The following COPB2 variants were observed in gnomAD, a reference collection of about 807,000 sequenced individuals.
The protein encoded by COPB2 is coatomer subunit beta'.
A neutral mutation model predicts 120.8 loss-of-function variants in COPB2; 16 were observed. That is an observed-to-expected ratio of 0.13 (90% CI 0.09 to 0.20). The LOEUF (loss-of-function observed/expected upper bound fraction) is 0.20, where lower values mean the gene tolerates loss of function less well. Ranked by LOEUF, COPB2 falls within the 10% of genes least tolerant of loss-of-function variation. The probability of loss-of-function intolerance (pLI) is 1.00; values close to 1 mark genes in which losing one functional copy is unlikely to be tolerated. For synonymous variants in COPB2, 332 were observed against 366.3 expected, an observed-to-expected ratio of 0.91 and a Z score of 1.07; for missense variants, 794 against 1,076.5, an observed-to-expected ratio of 0.74 and a Z score of 3.67.
chr3:139,379,659 A>G (rs1941772497), intron 2 of COPB2, 193 bp from the exon 3 acceptor site: 2 of 537,096 alleles, frequency 3.7e-6, no homozygotes, highest in South Asian at 5.2e-5. Context: ...AAATTAAAAC[A>G]CTTTTTAAAA....
At chr3:139,362,147 T>C (rs1051236560) in intron 16 of COPB2, among the ~76,000 whole-genome samples, 4 of 152,234 alleles carry the variant, frequency 2.6e-5, no homozygotes, top group African/African-American at 9.6e-5. Context: ...TCTTGCAAAA[T>C]AGAGCTCACA....
Position 139,389,536 on chromosome 3 carries a change from A to G in COPB2, c.3+12T>C, listed in dbSNP as rs558818567. 1.3e-5 allele frequency: 20 copies of G among 1,572,634 alleles called. No homozygotes were observed. Among genetic ancestry groups the G allele is most frequent in the Admixed American group, 7.0e-5 (4 of 57,262 alleles). On this transcript the variant is annotated intron_variant, in intron 1 of 21. Coordinates refer to ENST00000333188, the MANE Select transcript of COPB2 (RefSeq NM_004766.3). ...ATGGGACCCCGCTCCCTTCTACGGGATCTGGACCTACCATGGCTGCGTCGG... is the reference window on the plus strand; with the variant it reads ...ATGGGACCCCGCTCCCTTCTACGGGGTCTGGACCTACCATGGCTGCGTCGG...
chr3:139,362,571 G>A, intron 15 of COPB2, 54 bp from the exon 16 acceptor site: 4 of 1,033,712 alleles, frequency 3.9e-6, no homozygotes, highest in Non-Finnish European at 5.5e-6. Flanking sequence ...ATGTATGTAT[G>A]TTTTATATAT....
chr3:139,389,437 C>G (rs2107814365), intron 1 of COPB2, 111 bp downstream of exon 1: 3 of 1,362,766 alleles, frequency 2.2e-6, no homozygotes, highest in Non-Finnish European at 2.9e-6. Context: ...CCTGAGGCGG[C>G]GGCCGCAGCG....
Position 139,389,597 on chromosome 3 carries a change from T to A in COPB2, c.-47A>T, listed in dbSNP as rs745740698. 6.4e-7 allele frequency: 1 copy of A among 1,554,714 alleles called. No individual in the cohort carries two copies. On this transcript the variant is annotated 5_prime_UTR_variant, in exon 1 of 22. Coordinates refer to ENST00000333188, the MANE Select transcript of COPB2 (RefSeq NM_004766.3). ...GGAACCCTCGTTTGTTACCGGCTAC[T>A]CAGGCCTTGAGATAAACCCACCGAT...
chr3:139,383,877 A>C (rs1428651994), intron 1 of COPB2, among the ~76,000 whole-genome samples: 1 of 152,232 alleles, frequency 6.6e-6, no homozygotes, highest in East Asian at 1.9e-4. Flanking sequence ...TTTTCAAAAA[A>C]TTTAGTGAAA....
chr3:139,370,246 C>T (rs1173302763), intron 10 of COPB2, among the ~76,000 whole-genome samples: 1 of 152,164 alleles, frequency 6.6e-6, no homozygotes, highest in East Asian at 1.9e-4. Context: ...CCTGAAACCT[C>T]AGATAGTACT....
chr3:139,360,832 G>C (rs935344784), intron 17 of COPB2, among the ~76,000 whole-genome samples: 1 of 152,204 alleles, frequency 6.6e-6, no homozygotes, highest in Non-Finnish European at 1.5e-5. Context: ...TGTTGAAGAA[G>C]GTGTTTAACA....
At chr3:139,383,575 AGC>A in intron 1 of COPB2, 140 bp from the exon 2 acceptor site, 1 of 737,628 alleles carries the variant, frequency 1.4e-6, no homozygotes, top group East Asian at 3.0e-5. Flanking sequence ...TTCAAGTCTA[AGC>A]ACTTATTTCT....
chr3:139,376,939 C>T (rs372913507), intron 5 of COPB2, among the ~76,000 whole-genome samples: 4 of 152,086 alleles, frequency 2.6e-5, no homozygotes, highest in African/African-American at 4.8e-5. Context: ...TTAGTAGAGA[C>T]GGGGTTTCAC....
At position 139,379,118 on chromosome 3, in the gene COPB2, A is replaced by T; in HGVS notation, c.284T>A (p.Phe95Tyr). The T allele has an allele frequency of 6.2e-7, 1 of 1,612,606 alleles. No individual in the cohort carries two copies. Among genetic ancestry groups the T allele is most frequent in the South Asian group, 1.1e-5 (1 of 90,648 alleles). The change falls in exon 4 of 22, where the codon TTT (phenylalanine) becomes TAT (tyrosine). Residue 95 changes from phenylalanine (F) to tyrosine (Y), a missense_variant. Phe to Tyr is a conservative substitution (Grantham distance 22). Around this residue, in one of 3 missense-constraint regions of COPB2, gnomAD observed 610 missense variants for 866.7 expected, o/e 0.70. Coordinates refer to ENST00000333188, the MANE Select transcript of COPB2 (RefSeq NM_004766.3). ...NYNTLERVHM[F>Y]EAHSDYIRCI... ...GCGAATGTAGTCTGAGTGTGCTTCA[A>T]ACATATGAACTCTCTCCAGAGTATT...
intron 2 of COPB2, 35 bp downstream of exon 2, chr3:139,383,263 A>G (rs1016722961): frequency 6.2e-7 from 1 of 1,605,498 alleles, no homozygotes; most frequent in Non-Finnish European, 8.5e-7. Context: ...CTCACATAGT[A>G]TTTTATTTCT....
rs1287969784 is a variant in COPB2, at chr3:139,367,064, A to T, written c.1627T>A (p.Leu543Ile). The change falls in exon 14 of 22, where the codon TTA (leucine) becomes ATA (isoleucine). Residue 543 changes from leucine (L) to isoleucine (I), a missense_variant. By Grantham distance (5) the Leu-to-Ile change is conservative. Coordinates refer to ENST00000333188, the MANE Select transcript of COPB2 (RefSeq NM_004766.3). ...ATTTCTCCTCCAACATAATAATTTAATCTGTTCACAGAACTTGTGTAAATG... is the reference window on the plus strand; with the variant it reads ...ATTTCTCCTCCAACATAATAATTTATTCTGTTCACAGAACTTGTGTAAATG... ...CFIYTSSVNR[L>I]NYYVGGEIVT... is the part of the protein sequence containing the mutation. 1 of 1,613,902 alleles carries T rather than the reference A, an allele frequency of 6.2e-7. No individual in the cohort carries two copies. Among genetic ancestry groups the T allele is most frequent in the Non-Finnish European group, 8.5e-7 (1 of 1,179,880 alleles).
chr3:139,378,324 T>C lies in COPB2; in HGVS notation c.356-135A>G, dbSNP rs148845293. The C allele has an allele frequency of 3.3e-5, 26 of 798,998 alleles. 1 individual carries two copies. Among genetic ancestry groups the C allele is most frequent in the East Asian group, 2.4e-4 (8 of 33,420 alleles). 49.5% of individuals were successfully genotyped at this position (798,998 alleles called of 1,614,324 possible). A position where few individuals can be genotyped will look rare whatever the true frequency, so the allele number is the denominator to read the frequency against. ...TTACAGAAATAGAATCAAAACCAAA[T>C]AGAGTTTTCAAAATGCTTATTTATC... On this transcript the variant is annotated intron_variant, in intron 4 of 21. Transcript: ENST00000333188.
chr3:139,389,407 A>T, intron 1 of COPB2, 141 bp downstream of exon 1: 1 of 820,878 alleles, frequency 1.2e-6, no homozygotes, highest in Non-Finnish European at 1.6e-6. Flanking sequence ...CTGGAATCAA[A>T]CGACCAAGAC....
intron 10 of COPB2, among the ~76,000 whole-genome samples, chr3:139,369,760 T>TC (rs1291029953): frequency 6.6e-6 from 1 of 152,204 alleles, no homozygotes; most frequent in Non-Finnish European, 1.5e-5. Flanking sequence ...TGACATGAAT[T>TC]ACTAGGGCTT....
chr3:139,362,485 T>C lies in COPB2; in HGVS notation c.1917A>G (p.Thr639=). 1 of 1,612,186 alleles carries C rather than the reference T, an allele frequency of 6.2e-7. No homozygotes were observed. The highest frequency in any genetic ancestry group is 8.5e-7 in the Non-Finnish European group (1 of 1,179,178). Residue 639 remains threonine (T), a synonymous_variant, in exon 16 of 22, where the codon ACA becomes ACG. Coordinates refer to ENST00000333188, the MANE Select transcript of COPB2 (RefSeq NM_004766.3). ...GFKQQALTVS[T]DPEHRFELAL... is the part of the protein sequence containing the mutation. ...CAAGCTCAAAACGATGCTCAGGATC[T>C]GTGGATACTGTAAGAGCTTGCTGCT...
At chr3:139,382,951 G>A (rs1291111343) in intron 2 of COPB2, 2 of 218,454 alleles carry the variant, frequency 9.2e-6, no homozygotes, top group Admixed American at 5.6e-5. Flanking sequence ...TAAATTTAAC[G>A]ATATCATTCT....
At position 139,361,214 on chromosome 3, in the gene COPB2, C is replaced by T; in HGVS notation, c.2077G>A (p.Ala693Thr). The change falls in exon 17 of 22, where the codon GCA becomes ACA. Residue 693 changes from alanine to threonine, a missense_variant. This residue lies in a region of COPB2 where 610 missense variants were observed against 866.7 expected (regional missense o/e 0.70). Coordinates refer to ENST00000333188, the MANE Select transcript of COPB2 (RefSeq NM_004766.3). ...FGLAQECLHHAQDYGGLLLLA... is the reference protein window; with the variant it reads ...FGLAQECLHHTQDYGGLLLLA... ...AGCAGCAGGCCCCCATAATCCTGTG[C>T]ATGATGCAGGCACTCCTGGGCTAGG... 6.2e-7 allele frequency: 1 copy of T among 1,614,208 alleles called. No homozygotes were observed. Among genetic ancestry groups the T allele is most frequent in the Non-Finnish European group, 8.5e-7 (1 of 1,180,034 alleles).
Sources: allele counts gnomAD v4.1 joint callset (sites outside exome capture counted in the v4.1 genomes callset), GRCh38; gene constraint gnomAD v4.1.1; regional missense constraint gnomAD v4.1.1; transcripts MANE v1.5; gene names NCBI Gene and HGNC (gene_info 2026-07-23, HGNC 2026-07-21).